Variants in CMTM4 observed in about 807,000 individuals in gnomAD.
The protein encoded by CMTM4 is CKLF-like MARVEL transmembrane domain-containing protein 4.
CMTM4 carries 8 observed loss-of-function variants against 19.0 expected under a neutral mutation model. The observed-to-expected ratio is 0.42, with a 90% confidence interval of 0.25 to 0.76. The LOEUF is 0.76. Ranked by LOEUF, CMTM4 falls within the 30% of genes least tolerant of loss-of-function variation. The pLI, the probability that CMTM4 is intolerant of heterozygous loss-of-function variation, is 0.27. For synonymous variants in CMTM4, 106 were observed against 121.1 expected (o/e 0.88, Z 0.82); for missense variants, 228 against 290.2 (o/e 0.79, Z 1.56).
At position 66,681,316 on chromosome 16, in the gene CMTM4, C is replaced by T. The variant is rs974630081; in HGVS notation, c.186+15024G>A. Among the ~76,000 whole-genome samples, 5 of 146,858 alleles carry T rather than the reference C, an allele frequency of 3.4e-5. No individual in the cohort carries two copies. In the Admixed American group the frequency reaches 3.4e-4, roughly 10 times the overall value. ...TGACATGCTTTTTTTCCTATTAAATCTTTTTTTTTTTCTTTTTTGAGACCG... is the reference window on the plus strand; with the variant it reads ...TGACATGCTTTTTTTCCTATTAAATTTTTTTTTTTTTCTTTTTTGAGACCG... On this transcript the variant is annotated intron_variant, in intron 1 of 3. Transcript: ENST00000394106.
chr16:66,609,460 C>A, the CMTM4 span: 1 of 1,612,996 alleles, frequency 6.2e-7, no homozygotes, highest in Admixed American at 1.7e-5. This position sits in a 1 kb window ranked among gnomAD's most constrained non-coding sequence, Gnocchi z 4.4. Context: ...GTCACCGCGG[C>A]CCTCATCTAC....
At chr16:66,599,494 T>G in the CMTM4 span, among the ~76,000 whole-genome samples, 2 of 152,184 alleles carry the variant, frequency 1.3e-5, no homozygotes, top group Non-Finnish European at 2.9e-5. Context: ...GTTGTTTGTT[T>G]GTTTGTTTGT....
At chr16:66,692,195 C>A (rs747066411) in intron 1 of CMTM4, among the ~76,000 whole-genome samples, 14 of 152,142 alleles carry the variant, frequency 9.2e-5, no homozygotes, top group Non-Finnish European at 1.3e-4. Flanking sequence ...GGTTCAAGCG[C>A]TTCTCCTGCC....
At chr16:66,599,230 C>A in the CMTM4 span, among the ~76,000 whole-genome samples, 2 of 152,034 alleles carry the variant, frequency 1.3e-5, no homozygotes, top group African/African-American at 4.8e-5. Flanking sequence ...GCAGAGGTTG[C>A]ATTGAGCTGA....
intron 2 of CMTM4, among the ~76,000 whole-genome samples, chr16:66,628,149 G>A (rs911778578): frequency 1.3e-5 from 2 of 152,236 alleles, no homozygotes; most frequent in Admixed American, 6.5e-5. Context: ...TCCCGCCATA[G>A]GGCGGTTTTT....
intron 1 of CMTM4, among the ~76,000 whole-genome samples, chr16:66,670,669 A>G (rs1299678818): frequency 6.6e-6 from 1 of 152,004 alleles, no homozygotes; most frequent in Non-Finnish European, 1.5e-5. Context: ...GCGTGGTGGC[A>G]CGAACCTGTA....
Position 66,621,278 on chromosome 16 carries a change from C to G in CMTM4, c.*780G>C, listed in dbSNP as rs1567402489. On this transcript the variant is annotated 3_prime_UTR_variant, in exon 4 of 4. Transcript: ENST00000394106. ...TGGAGTAGGCTTGTTTCTTTCATGG[C>G]TTTTACCTGAGAAGGTAAAATGACT... 1.0e-6 allele frequency: 1 copy of G among 985,376 alleles called. No homozygotes were observed. The allele number at this position is 985,376 out of a possible 1,614,324, so 61.0% of individuals were successfully genotyped here. A position where few individuals can be genotyped will look rare whatever the true frequency, so the allele number is the denominator to read the frequency against.
At chr16:66,635,174 A>T (rs547180245) in intron 2 of CMTM4, among the ~76,000 whole-genome samples, 1 of 152,218 alleles carries the variant, frequency 6.6e-6, no homozygotes, top group Non-Finnish European at 1.5e-5. Flanking sequence ...GGATAACATA[A>T]ACCTCATTTT....
the CMTM4 span, chr16:66,608,396 T>TTGTA: frequency 2.5e-6 from 4 of 1,614,098 alleles, no homozygotes; most frequent in Middle Eastern, 1.6e-4. This position sits in a 1 kb window ranked among gnomAD's most constrained non-coding sequence, Gnocchi z 5.1. Context: ...CCTGCTGGCC[T>TTGTA]TGTACTTCCT....
downstream of CMTM4, among the ~76,000 whole-genome samples, chr16:66,612,392 C>CA (rs147051106): frequency 3.4e-4 from 51 of 147,906 alleles, no homozygotes; most frequent in Non-Finnish European, 4.7e-4. This position sits in a 1 kb window ranked among gnomAD's most constrained non-coding sequence, Gnocchi z 6.0. Flanking sequence ...AAAACAACAA[C>CA]AAAAAAAAAA....
chr16:66,642,606 G>A (rs1287509924), intron 1 of CMTM4, among the ~76,000 whole-genome samples: 3 of 152,076 alleles, frequency 2.0e-5, no homozygotes, highest in African/African-American at 7.2e-5. Flanking sequence ...ATCCCAGCTA[G>A]GCAGGAGGCT....
the CMTM4 span, chr16:66,608,591 G>C: frequency 1.1e-6 from 1 of 893,216 alleles, no homozygotes; most frequent in Non-Finnish European, 1.7e-6. The surrounding 1 kb of genome is among the most constrained non-coding windows in gnomAD (Gnocchi z 5.1). Flanking sequence ...GTTAGAACTG[G>C]ATGGAGAGAC....
chr16:66,601,501 G>GC, the CMTM4 span, among the ~76,000 whole-genome samples: 1 of 152,154 alleles, frequency 6.6e-6, no homozygotes, highest in Admixed American at 6.5e-5. Context: ...GGAAGTGTGA[G>GC]CCCAGTTGAT....
chr16:66,664,745 G>A (rs1323488472), intron 1 of CMTM4, among the ~76,000 whole-genome samples: 1 of 151,512 alleles, frequency 6.6e-6, no homozygotes, highest in Non-Finnish European at 1.5e-5. Context: ...CAAAAGAAAA[G>A]AGGAAAGGGA....
chr16:66,667,836 C>T (rs995921712), intron 1 of CMTM4, among the ~76,000 whole-genome samples: 7 of 151,906 alleles, frequency 4.6e-5, no homozygotes, highest in South Asian at 2.1e-4. Context: ...TGCAGTGAGC[C>T]GTGATCACAC....
Position 66,617,337 on chromosome 16 carries a change from T to TA in CMTM4, c.*4720dup, listed in dbSNP as rs753904829. The TA allele has an allele frequency of 1.4e-5, 22 of 1,614,040 alleles. No homozygotes were observed. The Admixed American group carries it at 2.8e-4, about 21-fold the overall frequency. ...TTGTGGGTGATTTTTTCCTTACTGT[T>TA]ACGTTTGTGGAGTAGGAAAAACTAG... On this transcript the variant is annotated 3_prime_UTR_variant, in exon 4 of 4. Coordinates refer to ENST00000394106, the MANE Select transcript of CMTM4 (RefSeq NM_181521.3).
At chr16:66,640,471 G>A (rs2016079286) in intron 1 of CMTM4, among the ~76,000 whole-genome samples, 1 of 152,112 alleles carries the variant, frequency 6.6e-6, no homozygotes, top group South Asian at 2.1e-4. Context: ...TGGCCCCTAG[G>A]GAGAATCACA....
At chr16:66,606,139 A>T in the CMTM4 span, among the ~76,000 whole-genome samples, 1 of 152,070 alleles carries the variant, frequency 6.6e-6, no homozygotes, top group Non-Finnish European at 1.5e-5. Context: ...AGGATAAGGA[A>T]GGGTGAACGG....
chr16:66,683,139 ATATATATG>A (rs2016950719), intron 1 of CMTM4, among the ~76,000 whole-genome samples: 2 of 130,066 alleles, frequency 1.5e-5, no homozygotes, highest in South Asian at 5.0e-4. Context: ...GTATATATAT[ATATATATG>A]TATATATATA....
Sources: allele counts gnomAD v4.1 joint callset (sites outside exome capture counted in the v4.1 genomes callset), GRCh38; gene constraint gnomAD v4.1.1; non-coding constraint Gnocchi (gnomAD v3.1); transcripts MANE v1.5; gene names NCBI Gene and HGNC (gene_info 2026-07-23, HGNC 2026-07-21).